The following NT5C3B variants were observed in gnomAD, a reference collection of about 807,000 sequenced individuals.
NT5C3B encodes 7-methylguanosine phosphate-specific 5'-nucleotidase.
Under a neutral mutation model 32.5 loss-of-function variants are expected in NT5C3B, and 28 were observed. The ratio of observed to expected loss-of-function variants is 0.86; its 90% CI spans 0.64 to 1.18. The LOEUF is 1.18. Among genes scored for constraint, NT5C3B ranks in the 50% most tolerant of loss-of-function variants. NT5C3B has a pLI of 0.00. For synonymous variants in NT5C3B, 138 were observed against 118.0 expected (o/e 1.17, Z -1.10); for missense variants, 317 against 322.0 (o/e 0.98, Z 0.12).
intron 7 of NT5C3B, among the ~76,000 whole-genome samples, chr17:41,828,039 C>A (rs1250534210): frequency 2.4e-4 from 37 of 152,202 alleles, no homozygotes; most frequent in Admixed American, 2.4e-3. Flanking sequence ...ATATAAATGC[C>A]ACTCAGGTTA....
intron 1 of NT5C3B, 105 bp from the exon 2 acceptor site, chr17:41,836,062 A>AG: frequency 7.2e-7 from 1 of 1,395,908 alleles, no homozygotes; most frequent in Non-Finnish European, 9.3e-7. Flanking sequence ...GGGGTGCGCG[A>AG]GGGGGCGGCT....
chr17:41,835,845 C>G lies in NT5C3B; in HGVS notation c.111+14G>C, dbSNP rs1555619852. 6.2e-7 allele frequency: 1 copy of G among 1,600,782 alleles called. No homozygotes were observed. The highest frequency in any genetic ancestry group is 1.7e-5 in the Admixed American group (1 of 58,674). On this transcript the variant is annotated intron_variant, in intron 2 of 8. Transcript: ENST00000435506. ...GCCCCCAGCCCGGCCGGCCCCCGCACGCCCCAGAGGTACCTGTAACCGGTC... is the reference window on the plus strand; with the variant it reads ...GCCCCCAGCCCGGCCGGCCCCCGCAGGCCCCAGAGGTACCTGTAACCGGTC...
At position 41,835,204 on chromosome 17, in the gene NT5C3B, G is replaced by GT; in HGVS notation, c.179dup (p.Tyr60Ter). The change falls in exon 3 of 9, where the codon TAC (tyrosine) becomes TAAC (stop). Residue 60 changes from tyrosine (Y) to a stop codon, truncating the protein, a stop_gained and frameshift_variant and splice_region_variant. Transcript: ENST00000435506. LOFTEE classifies it high-confidence loss of function. ...AAGGGAAGCTAGAATGTGACTTACTGTAAGAAGAAGGGCATCGCTTTCCAT... is the reference window on the plus strand; with the variant it reads ...AAGGGAAGCTAGAATGTGACTTACTGTTAAGAAGAAGGGCATCGCTTTCCAT... ...AYNGKRCPSS[Y>*]NILDNSKIIS... is the part of the protein sequence containing the mutation. The GT allele has an allele frequency of 1.9e-6, 3 of 1,614,010 alleles. No homozygotes were observed. The highest frequency in any genetic ancestry group is 2.5e-6 in the Non-Finnish European group (3 of 1,179,854).
Position 41,827,420 on chromosome 17 carries a change from A to G in NT5C3B, c.768+6T>C, listed in dbSNP as rs1555618341. On this transcript the variant is annotated splice_donor_region_variant and intron_variant, in intron 8 of 8. Coordinates refer to ENST00000435506, the MANE Select transcript of NT5C3B (RefSeq NM_052935.5). ...TGAAGAGAAGCAGCCCTGGTCCTCT[A>G]CCCACCTTGTCATTCAGGAAGCCAA... The G allele has an allele frequency of 1.1e-6, 1 of 872,294 alleles. No individual in the cohort carries two copies. Among genetic ancestry groups the G allele is most frequent in the Non-Finnish European group, 2.0e-6 (1 of 501,624 alleles). 54.0% of individuals were successfully genotyped at this position (872,294 alleles called of 1,614,324 possible).
intron 4 of NT5C3B, among the ~76,000 whole-genome samples, chr17:41,834,271 T>C (rs2048103198): frequency 6.6e-6 from 1 of 151,812 alleles, no homozygotes; most frequent in Non-Finnish European, 1.5e-5. Flanking sequence ...TGATGCATGC[T>C]GGTAATCCCA....
intron 8 of NT5C3B, 24 bp from the exon 9 acceptor site, chr17:41,825,681 C>A: frequency 1.1e-6 from 1 of 872,332 alleles, no homozygotes. Context: ...GAGGCAGAAG[C>A]CAGAGGGTCC....
At chr17:41,826,727 G>A (rs1019491503) in intron 8 of NT5C3B, among the ~76,000 whole-genome samples, 8 of 151,948 alleles carry the variant, frequency 5.3e-5, no homozygotes, top group South Asian at 4.1e-4. Flanking sequence ...TAGGCTGGGC[G>A]TGGTGGATCA....
chr17:41,827,389 A>C, intron 8 of NT5C3B, 37 bp downstream of exon 8: 1 of 851,578 alleles, frequency 1.2e-6, no homozygotes, highest in Non-Finnish European at 2.0e-6. Context: ...AAAGAGAAGA[A>C]AGACATGAAG....
intron 8 of NT5C3B, 92 bp downstream of exon 8, chr17:41,827,334 A>AT: frequency 1.8e-6 from 1 of 559,472 alleles, no homozygotes; most frequent in East Asian, 3.0e-5. Flanking sequence ...AAAAATAGAA[A>AT]TAAAAAAAGA....
chr17:41,827,471 A>G lies in NT5C3B; in HGVS notation c.723T>C (p.Val241=). ...TTTTGAGAATGTTCTGCACACCAGG[A>G]ACCCCATCGGCCATGGTGAGGTCCC... ...SIGDLTMADG[V]PGVQNILKIG... is the part of the protein sequence containing the mutation. Residue 241 remains valine (V), a synonymous_variant, in exon 8 of 9, where the codon GTT becomes GTC. Coordinates refer to ENST00000435506, the MANE Select transcript of NT5C3B (RefSeq NM_052935.5). The G allele has an allele frequency of 1.1e-6, 1 of 872,944 alleles. No homozygotes were observed. Among genetic ancestry groups the G allele is most frequent in the Non-Finnish European group, 2.0e-6 (1 of 501,680 alleles). The allele number at this position is 872,944 out of a possible 1,614,324, so 54.1% of individuals were successfully genotyped here. A position where few individuals can be genotyped will look rare whatever the true frequency, so the allele number is the denominator to read the frequency against.
chr17:41,833,355 T>C lies in NT5C3B; in HGVS notation c.229-878A>G, dbSNP rs1477812544. Among the ~76,000 whole-genome samples the C allele has an allele frequency of 3.3e-5, 5 of 152,208 alleles. No individual in the cohort carries two copies. In the East Asian group the frequency reaches 9.7e-4, roughly 29 times the overall value. The stretch of plus-strand genomic sequence containing the variant: ...TTTTTTGAGACAAGTCTCACTCTGT[T>C]GCCCAGGCTGGAGTGCAGTGGCGCA... On this transcript the variant is annotated intron_variant, in intron 4 of 8. Transcript: ENST00000435506.
Position 41,835,152 on chromosome 17 carries a change from A to G in NT5C3B, c.182-36T>C, listed in dbSNP as rs374920636. ...AGAAAACTCCTTTTACTTGTCCCTT[A>G]GAACCCATCGTCTTGTCAAGCTCAA... On this transcript the variant is annotated intron_variant, in intron 3 of 8. Coordinates refer to ENST00000435506, the MANE Select transcript of NT5C3B (RefSeq NM_052935.5). 15 of 1,613,630 alleles carry G rather than the reference A, an allele frequency of 9.3e-6. No individual in the cohort carries two copies. In the African/African-American group the frequency reaches 1.9e-4, roughly 20 times the overall value.
Position 41,825,392 on chromosome 17 carries a change from G to A in NT5C3B, c.*131C>T. ...GTGATGAAGGTGCTCAGGGAAAGGAGGACGGAGGGGCGCGGAAGGACCCAG... is the reference window on the plus strand; with the variant it reads ...GTGATGAAGGTGCTCAGGGAAAGGAAGACGGAGGGGCGCGGAAGGACCCAG... On this transcript the variant is annotated 3_prime_UTR_variant, in exon 9 of 9. Transcript: ENST00000435506. The A allele has an allele frequency of 4.5e-6, 3 of 664,288 alleles. No individual in the cohort carries two copies. The highest frequency in any genetic ancestry group is 2.7e-5 in the East Asian group (1 of 36,532). 41.1% of individuals were successfully genotyped at this position (664,288 alleles called of 1,614,324 possible).
chr17:41,828,623 C>T, intron 7 of NT5C3B, 167 bp downstream of exon 7: 1 of 635,108 alleles, frequency 1.6e-6, no homozygotes, highest in Non-Finnish European at 2.8e-6. Flanking sequence ...AGGTCTGAGC[C>T]ACCGCGCCTG....
chr17:41,835,434 G>C, intron 2 of NT5C3B, 162 bp from the exon 3 acceptor site: 1 of 669,536 alleles, frequency 1.5e-6, no homozygotes, highest in Non-Finnish European at 2.6e-6. Context: ...TAGAGGGGAA[G>C]TGATCCTAAT....
At chr17:41,826,932 G>A (rs1288257754) in intron 8 of NT5C3B, among the ~76,000 whole-genome samples, 2 of 150,810 alleles carry the variant, frequency 1.3e-5, no homozygotes, top group African/African-American at 4.9e-5. Flanking sequence ...CCTGGGAGGT[G>A]GAAGTTGCAG....
intron 5 of NT5C3B, among the ~76,000 whole-genome samples, chr17:41,831,099 A>T (rs1555618976): frequency 3.3e-5 from 5 of 152,108 alleles, no homozygotes. Context: ...CGGGTGGATC[A>T]CCTGAGATCG....
At chr17:41,828,602 G>C (rs1175929656) in intron 7 of NT5C3B, 188 bp downstream of exon 7, 6 of 537,998 alleles carry the variant, frequency 1.1e-5, no homozygotes, top group Non-Finnish European at 2.0e-5. Flanking sequence ...CTCCCAAAGT[G>C]CTAGGATTAC....
intron 4 of NT5C3B, among the ~76,000 whole-genome samples, chr17:41,834,295 C>A (rs923438159): frequency 2.0e-5 from 3 of 151,606 alleles, no homozygotes; most frequent in Non-Finnish European, 4.4e-5. Flanking sequence ...ACTCGAGAGG[C>A]TGAGGCATGA....
Sources: allele counts gnomAD v4.1 joint callset (sites outside exome capture counted in the v4.1 genomes callset), GRCh38; gene constraint gnomAD v4.1.1; transcripts MANE v1.5; gene names NCBI Gene and HGNC (gene_info 2026-07-23, HGNC 2026-07-21).